Variants in MYO3A observed in about 807,000 individuals in gnomAD.
MYO3A encodes myosin-IIIa.
Under a neutral mutation model 192.7 loss-of-function variants are expected in MYO3A, and 180 were observed. The ratio of observed to expected loss-of-function variants is 0.93; its 90% CI spans 0.83 to 1.06. MYO3A has a LOEUF of 1.06. Among genes scored for constraint, MYO3A ranks in the 50% least tolerant of loss-of-function variants. MYO3A has a pLI of 0.00. For missense variants in MYO3A, 1,896 were observed against 1,905.0 expected (o/e 1.00, Z 0.09); for synonymous variants, 628 against 645.3 (o/e 0.97, Z 0.41).
intron 10 of MYO3A, among the ~76,000 whole-genome samples, chr10:26,039,955 A>G (rs564579137): frequency 2.0e-5 from 3 of 151,430 alleles, no homozygotes; most frequent in African/African-American, 7.3e-5. Context: ...GCTCTTGCAT[A>G]CATCATTAGG....
chr10:26,074,050 G>A (rs2131409939), intron 14 of MYO3A, among the ~76,000 whole-genome samples: 1 of 151,976 alleles, frequency 6.6e-6, no homozygotes, highest in East Asian at 1.9e-4. Flanking sequence ...CTTAAAGTAA[G>A]ATAAAATTGT....
chr10:26,027,421 T>C (rs1842605841), intron 10 of MYO3A, among the ~76,000 whole-genome samples: 1 of 152,168 alleles, frequency 6.6e-6, no homozygotes, highest in African/African-American at 2.4e-5. Context: ...CTCTGATCAC[T>C]GTAGCCTCAA....
intron 4 of MYO3A, among the ~76,000 whole-genome samples, chr10:25,978,358 G>A (rs1169658343): frequency 6.6e-6 from 1 of 152,190 alleles, no homozygotes; most frequent in Non-Finnish European, 1.5e-5. Flanking sequence ...CACAAACATG[G>A]CAGAAGGCAA....
intron 4 of MYO3A, among the ~76,000 whole-genome samples, chr10:25,971,818 G>A (rs1227999653): frequency 6.6e-6 from 1 of 151,906 alleles, no homozygotes; most frequent in African/African-American, 2.4e-5. Flanking sequence ...TGACTAGCTT[G>A]GACCTCTTTG....
intron 10 of MYO3A, among the ~76,000 whole-genome samples, chr10:26,046,793 G>A (rs1197244576): frequency 6.6e-6 from 1 of 152,208 alleles, no homozygotes; most frequent in Non-Finnish European, 1.5e-5. Context: ...ACAAGGATGA[G>A]ATCGTAACAT....
At chr10:25,989,799 A>G (rs1308279488) in intron 4 of MYO3A, among the ~76,000 whole-genome samples, 1 of 152,176 alleles carries the variant, frequency 6.6e-6, no homozygotes, top group African/African-American at 2.4e-5. Context: ...GACTTGGGTT[A>G]GAAGAGAGTC....
chr10:26,148,695 A>G (rs1482658758), intron 23 of MYO3A, among the ~76,000 whole-genome samples: 1 of 152,198 alleles, frequency 6.6e-6, no homozygotes, highest in Non-Finnish European at 1.5e-5. Context: ...TTTTCACTGT[A>G]CAAGTTTTGC....
rs7911847 is a variant in MYO3A, at chr10:25,997,495, G to A, written c.508+237G>A. Among the ~76,000 whole-genome samples, 418 of 152,274 alleles carry A rather than the reference G, an allele frequency of 2.7e-3. 4 individuals are homozygous for A. Among genetic ancestry groups the A allele is most frequent in the Admixed American group, 5.9e-3 (91 of 15,300 alleles). On this transcript the variant is annotated intron_variant, in intron 6 of 34. Coordinates refer to ENST00000642920, the MANE Select transcript of MYO3A (RefSeq NM_017433.5). ...ATATAACACCAGTGTAGTAACATGC[G>A]TAGTTGATCCTCTAAAACAGACAGC... is the stretch of plus-strand genomic sequence containing the variant.
At chr10:26,207,828 A>G (rs1200306872) in intron 34 of MYO3A, among the ~76,000 whole-genome samples, 1 of 152,134 alleles carries the variant, frequency 6.6e-6, no homozygotes, top group Non-Finnish European at 1.5e-5. Flanking sequence ...TGGAATTTTG[A>G]TAGAGATTCC....
At chr10:25,990,202 T>G (rs1839923751) in intron 4 of MYO3A, among the ~76,000 whole-genome samples, 1 of 152,068 alleles carries the variant, frequency 6.6e-6, no homozygotes, top group Non-Finnish European at 1.5e-5. Flanking sequence ...TCTCCCTGTT[T>G]TGGGTGTGGG....
At chr10:26,016,460 C>T (rs889844489) in intron 6 of MYO3A, among the ~76,000 whole-genome samples, 3 of 152,098 alleles carry the variant, frequency 2.0e-5, no homozygotes, top group Admixed American at 6.5e-5. Context: ...GGAGGAAGCA[C>T]GCCATTCAAA....
In MYO3A at chr10:26,086,035, G is replaced by T. The variant is rs1175927213; in HGVS notation, c.1360-2168G>T. Among the ~76,000 whole-genome samples, 3 of 152,180 alleles carry T rather than the reference G, an allele frequency of 2.0e-5. No homozygotes were observed. The South Asian group carries it at 6.2e-4, about 32-fold the overall frequency. ...AATGTACTTGTTTACTCATTTGCAG[G>T]TAGGGGGAGGCTTGAAGGTGTATTA... On this transcript the variant is annotated intron_variant, in intron 14 of 34. Coordinates refer to ENST00000642920, the MANE Select transcript of MYO3A (RefSeq NM_017433.5).
rs149521185 is a variant in MYO3A, at chr10:26,174,309, G to C, written c.4045G>C (p.Ala1349Pro). ...VTQAQEEEDK[A>P]AVFIQSKYRG... ...ACAGGCCCAGGAGGAAGAAGATAAA[G>C]CAGCGGTATTCATTCAGAGCAAATA... Residue 1349 changes from alanine to proline, a missense_variant, in exon 30 of 35, where the codon GCA becomes CCA. Transcript: ENST00000642920. The C allele has an allele frequency of 5.0e-5, 80 of 1,613,996 alleles. No individual in the cohort carries two copies. The African/African-American group carries it at 1.0e-3, about 20-fold the overall frequency.
Position 26,073,024 on chromosome 10 carries a change from T to G in MYO3A, c.1359+2623T>G, listed in dbSNP as rs180792180. On this transcript the variant is annotated intron_variant, in intron 14 of 34. Coordinates refer to ENST00000642920, the MANE Select transcript of MYO3A (RefSeq NM_017433.5). ...AGGAATAAACATTGAGTCCAGGAGT[T>G]CAAGACCAGCCTGGGCAACATAGCA... Among the ~76,000 whole-genome samples, 473 of 152,238 alleles carry G rather than the reference T, an allele frequency of 3.1e-3. 3 individuals carry two copies. Among genetic ancestry groups the G allele is most frequent in the African/African-American group, 0.011 (449 of 41,546 alleles).
At chr10:26,093,066 G>A (rs1000951942) in intron 15 of MYO3A, among the ~76,000 whole-genome samples, 16 of 152,200 alleles carry the variant, frequency 1.1e-4, no homozygotes, top group Non-Finnish European at 8.8e-5. Flanking sequence ...AACACTTAAC[G>A]GATACAATGT....
At chr10:26,143,641 T>C in intron 21 of MYO3A, 40 bp downstream of exon 21, 2 of 1,605,092 alleles carry the variant, frequency 1.2e-6, no homozygotes, top group Non-Finnish European at 1.7e-6. Context: ...GTTTTATGAA[T>C]AGAGTCTTGT....
intron 31 of MYO3A, among the ~76,000 whole-genome samples, chr10:26,189,665 T>C (rs1357661764): frequency 1.3e-5 from 2 of 152,140 alleles, no homozygotes; most frequent in Non-Finnish European, 2.9e-5. Context: ...ATTGCTAAGA[T>C]TGTAAATAAC....
At chr10:26,057,403 C>A (rs1834178921) in intron 10 of MYO3A, among the ~76,000 whole-genome samples, 1 of 152,020 alleles carries the variant, frequency 6.6e-6, no homozygotes. Flanking sequence ...GATGCTTCCA[C>A]CCTGGAAGTC....
chr10:26,089,467 G>A (rs1337216713), intron 15 of MYO3A, among the ~76,000 whole-genome samples: 2 of 152,020 alleles, frequency 1.3e-5, no homozygotes, highest in African/African-American at 2.4e-5. Context: ...CGGGCGTGGT[G>A]GTGGGTGCTT....
Sources: gnomAD v4.1 joint callset for allele counts (sites outside exome capture counted in the v4.1 genomes callset) on GRCh38, gnomAD v4.1.1 for gene constraint, MANE v1.5 for transcripts, NCBI Gene and HGNC (gene_info 2026-07-23, HGNC 2026-07-21) for gene names.